Variants in PCDHA3 observed in about 807,000 individuals in gnomAD.
PCDHA3 encodes the protein protocadherin alpha-3.
PCDHA3 carries 41 observed loss-of-function variants against 62.2 expected under a neutral mutation model. The ratio of observed to expected loss-of-function variants is 0.66; its 90% CI spans 0.51 to 0.86. PCDHA3 has a LOEUF of 0.86. PCDHA3 is among the 40% of genes least tolerant of loss of function. PCDHA3 has a pLI of 0.00. For missense variants in PCDHA3, 1,304 were observed against 1,241.2 expected, an observed-to-expected ratio of 1.05 and a Z score of -0.76; for synonymous variants, 640 against 555.4, an observed-to-expected ratio of 1.15 and a Z score of -2.14.
chr5:140,963,856 C>T lies in PCDHA3; in HGVS notation c.2395-15093C>T, dbSNP rs76429225. 1.1e-4 allele frequency among the ~76,000 whole-genome samples: 16 copies of T among 152,242 alleles called. No individual in the cohort carries two copies. The East Asian group carries it at 2.5e-3, about 24-fold the overall frequency. On this transcript the variant is annotated intron_variant, in intron 1 of 3. Coordinates refer to ENST00000522353, the MANE Select transcript of PCDHA3 (RefSeq NM_018906.3). ...TTTCTCATGTAATCATAATAATAAC[C>T]GTATGAGTTTTGCTTACTATTGTTT... is the stretch of plus-strand genomic sequence containing the variant.
At chr5:141,001,220 G>T (rs1554258038) in intron 3 of PCDHA3, among the ~76,000 whole-genome samples, 1 of 152,116 alleles carries the variant, frequency 6.6e-6, no homozygotes, top group African/African-American at 2.4e-5. Flanking sequence ...TATAAGGATA[G>T]TTACATTTAA....
intron 1 of PCDHA3, among the ~76,000 whole-genome samples, chr5:140,847,151 G>C (rs1780878525): frequency 6.7e-6 from 1 of 149,540 alleles, no homozygotes; most frequent in Non-Finnish European, 1.5e-5. Flanking sequence ...AAGATCTCTT[G>C]ATTTCTGAGT....
rs570399561 is a variant in PCDHA3, at chr5:140,943,988, C to T, written c.2395-34961C>T. ...GTTAAAGTAATTAAGAAAACAGAGA[C>T]AGAACTACTGAGTACCCCCCAAAAG... On this transcript the variant is annotated intron_variant, in intron 1 of 3. Transcript: ENST00000522353. 8.3e-4 allele frequency among the ~76,000 whole-genome samples: 126 copies of T among 152,216 alleles called. 3 individuals carry two copies. The Middle Eastern group carries it at 0.017, about 21-fold the overall frequency.
intron 1 of PCDHA3, chr5:140,927,653 G>T: frequency 6.2e-7 from 1 of 1,614,190 alleles, no homozygotes; most frequent in Non-Finnish European, 8.5e-7. Context: ...GTGTTATTCC[G>T]AGTTCAAGCC....
At chr5:140,870,289 C>G in intron 1 of PCDHA3, 1 of 1,614,214 alleles carries the variant, frequency 6.2e-7, no homozygotes, top group Non-Finnish European at 8.5e-7. Flanking sequence ...TCCCTTCAAG[C>G]TGGTGTCCAC....
intron 1 of PCDHA3, among the ~76,000 whole-genome samples, chr5:140,903,921 G>C (rs1282440912): frequency 6.6e-6 from 1 of 152,198 alleles, no homozygotes; most frequent in African/African-American, 2.4e-5. Flanking sequence ...CTTCCTTGCT[G>C]CATTGGATAA....
At chr5:140,886,759 G>A (rs541111444) in intron 1 of PCDHA3, among the ~76,000 whole-genome samples, 221 of 150,566 alleles carry the variant, frequency 1.5e-3, no homozygotes, top group Non-Finnish European at 2.7e-3. Flanking sequence ...CCGGGAGGTG[G>A]AGGTTGCAGT....
At chr5:140,939,428 G>A (rs1417323934) in intron 1 of PCDHA3, among the ~76,000 whole-genome samples, 2 of 152,128 alleles carry the variant, frequency 1.3e-5, no homozygotes, top group Admixed American at 6.5e-5. Flanking sequence ...TCTTCCATAA[G>A]CATTTGAAGA....
intron 1 of PCDHA3, among the ~76,000 whole-genome samples, chr5:140,907,616 G>A (rs2073492016): frequency 6.6e-6 from 1 of 152,216 alleles, no homozygotes; most frequent in Non-Finnish European, 1.5e-5. Flanking sequence ...CATATCAAGG[G>A]CTCAGTGTTG....
chr5:140,916,687 T>G (rs265312), intron 1 of PCDHA3, among the ~76,000 whole-genome samples: 87,944 of 152,010 alleles, frequency 0.58, 26,395 homozygotes, highest in African/African-American at 0.75. Flanking sequence ...TTTACTCTTT[T>G]CTCTCCTCTC....
At chr5:140,804,598 G>T (rs1763418204) in intron 1 of PCDHA3, 1 of 152,482 alleles carries the variant, frequency 6.6e-6, no homozygotes, top group African/African-American at 2.4e-5. Context: ...ATAAGCCAAT[G>T]TTATAATGTT....
In PCDHA3 at chr5:140,830,543, C is replaced by T. The variant is rs2150187615; in HGVS notation, c.2394+26952C>T. The T allele has an allele frequency of 2.5e-6, 3 of 1,178,256 alleles. No individual in the cohort carries two copies. In the South Asian group the frequency reaches 6.5e-5, roughly 25 times the overall value. 73.0% of individuals were successfully genotyped at this position (1,178,256 alleles called of 1,614,324 possible). On this transcript the variant is annotated intron_variant, in intron 1 of 3. Transcript: ENST00000522353. ...TTATTTTAAATTTATAATTGTTTTCCTCATATTTGTCTTCTATATTTCTGT... is the reference window on the plus strand; with the variant it reads ...TTATTTTAAATTTATAATTGTTTTCTTCATATTTGTCTTCTATATTTCTGT...
chr5:140,997,018 A>AT (rs1162959481), intron 3 of PCDHA3, among the ~76,000 whole-genome samples: 3 of 151,882 alleles, frequency 2.0e-5, no homozygotes, highest in Admixed American at 1.3e-4. Flanking sequence ...ATCCTCCAAT[A>AT]TTTTTTTGAA....
In PCDHA3 at chr5:141,009,750, T is replaced by C; in HGVS notation, c.2666T>C (p.Ile889Thr). Residue 889 changes from isoleucine (I) to threonine (T), a missense_variant, in exon 4 of 4, where the codon ATT becomes ACT. By Grantham distance (89) the Ile-to-Thr change is moderately conservative. Coordinates refer to ENST00000522353, the MANE Select transcript of PCDHA3 (RefSeq NM_018906.3). ...CCCGGTGAGTTGCCCGACAAATTCA[T>C]TATCCCAGGATCTCCTGCAATCATC... ...SGPGELPDKF[I>T]IPGSPAIISI... 1.2e-6 allele frequency: 2 copies of C among 1,614,130 alleles called. No individual in the cohort carries two copies. The highest frequency in any genetic ancestry group is 3.3e-5 in the Admixed American group (2 of 60,026).
intron 1 of PCDHA3, among the ~76,000 whole-genome samples, chr5:140,844,721 G>C (rs573731008): frequency 6.7e-6 from 1 of 149,274 alleles, no homozygotes; most frequent in Non-Finnish European, 1.5e-5. Context: ...CCATTAGTTC[G>C]TGTAAAAATA....
chr5:140,900,252 AG>A (rs2067859572), intron 1 of PCDHA3, among the ~76,000 whole-genome samples: 1 of 152,096 alleles, frequency 6.6e-6, no homozygotes, highest in South Asian at 2.1e-4. Flanking sequence ...ATGGCTGAAT[AG>A]TACTCCATTG....
At chr5:140,930,356 A>G (rs1554207746) in intron 1 of PCDHA3, 1 of 152,106 alleles carries the variant, frequency 6.6e-6, no homozygotes, top group African/African-American at 2.4e-5. Context: ...CAAATATTTC[A>G]ATTTATCTGT....
rs2150503852 is a variant in PCDHA3 at position 140,850,955 on chromosome 5, C to T, written c.2394+47364C>T. The T allele has an allele frequency of 1.6e-5, 23 of 1,482,450 alleles. 2 individuals are homozygous for T. In the Admixed American group the frequency reaches 2.7e-4, roughly 17 times the overall value. 91.8% of individuals were successfully genotyped at this position (1,482,450 alleles called of 1,614,324 possible). A position where few individuals can be genotyped will look rare whatever the true frequency, so the allele number is the denominator to read the frequency against. On this transcript the variant is annotated intron_variant, in intron 1 of 3. Transcript: ENST00000522353. Reference sequence around the variant, plus strand: ...TTCTTGAAAGATATTATCGATTACTCCCAGGGGCCGTTCAAATAGTTTTAT... The same window carrying T: ...TTCTTGAAAGATATTATCGATTACTTCCAGGGGCCGTTCAAATAGTTTTAT...
chr5:140,976,776 C>T (rs1554237952), intron 1 of PCDHA3, among the ~76,000 whole-genome samples: 1 of 152,184 alleles, frequency 6.6e-6, no homozygotes. Context: ...TAGACTCTGA[C>T]TATATAGCTA....
Sources: gnomAD v4.1 joint callset for allele counts (sites outside exome capture counted in the v4.1 genomes callset) on GRCh38, gnomAD v4.1.1 for gene constraint, MANE v1.5 for transcripts, NCBI Gene and HGNC (gene_info 2026-07-23, HGNC 2026-07-21) for gene names.